TINAG: variants seen among roughly 807,000 people sequenced by gnomAD.
TINAG encodes tubulointerstitial nephritis antigen.
TINAG carries 83 observed loss-of-function variants against 72.7 expected under a neutral mutation model. That is an observed-to-expected ratio of 1.14 (90% CI 0.96 to 1.37). The LOEUF (loss-of-function observed/expected upper bound fraction) is 1.37. Ranked by LOEUF, TINAG falls within the 40% of genes most tolerant of loss-of-function variation. The probability of loss-of-function intolerance (pLI) is 0.00; values close to 1 mark genes in which losing one functional copy is unlikely to be tolerated. For missense variants in TINAG, 685 were observed against 576.6 expected, an observed-to-expected ratio of 1.19 and a Z score of -1.93; for synonymous variants, 234 against 189.9, an observed-to-expected ratio of 1.23 and a Z score of -1.91.
chr6:54,315,533 C>G (rs967340751), intron 1 of TINAG, among the ~76,000 whole-genome samples: 1 of 151,900 alleles, frequency 6.6e-6, no homozygotes, highest in African/African-American at 2.4e-5. Flanking sequence ...TAAAAATTAG[C>G]CAGTCATGGT....
intron 4 of TINAG, among the ~76,000 whole-genome samples, chr6:54,335,622 T>C (rs995483825): frequency 6.6e-6 from 1 of 152,192 alleles, no homozygotes; most frequent in Non-Finnish European, 1.5e-5. Context: ...TGAGTTGAAC[T>C]GGAAGCTTTG....
chr6:54,341,967 T>C (rs1331656731), intron 4 of TINAG, among the ~76,000 whole-genome samples: 1 of 152,194 alleles, frequency 6.6e-6, no homozygotes, highest in African/African-American at 2.4e-5. Context: ...TCCCTGAGTA[T>C]ATCACATAGG....
At chr6:54,314,863 T>A (rs1784336610) in intron 1 of TINAG, among the ~76,000 whole-genome samples, 1 of 152,146 alleles carries the variant, frequency 6.6e-6, no homozygotes, top group African/African-American at 2.4e-5. Context: ...TATGTAGAAT[T>A]TATGTTCCAG....
chr6:54,315,645 C>T (rs1784355320), intron 1 of TINAG, among the ~76,000 whole-genome samples: 4 of 151,620 alleles, frequency 2.6e-5, no homozygotes, highest in South Asian at 2.1e-4. Context: ...CCAATGCACT[C>T]TAGCCTGGAT....
At position 54,348,816 on chromosome 6, in the gene TINAG, T is replaced by C. The variant is rs144474460; in HGVS notation, c.900-900T>C. Among the ~76,000 whole-genome samples the C allele has an allele frequency of 9.6e-3, 1,457 of 152,228 alleles. 19 individuals carry two copies. Among genetic ancestry groups the C allele is most frequent in the Middle Eastern group, 0.034 (10 of 294 alleles). The stretch of plus-strand genomic sequence containing the variant: ...CAAATGTAATGCATTTAATGCAATA[T>C]TTTTTAGGTTGTTTGAGTGTTTTCA... On this transcript the variant is annotated intron_variant, in intron 6 of 10. Coordinates refer to ENST00000259782, the MANE Select transcript of TINAG (RefSeq NM_014464.4).
upstream of TINAG, chr6:54,308,144 T>A: frequency 6.5e-7 from 1 of 1,545,040 alleles, no homozygotes; most frequent in South Asian, 1.2e-5. Flanking sequence ...TTCCTGCACC[T>A]TGCCAGTGGT....
intron 3 of TINAG, among the ~76,000 whole-genome samples, chr6:54,325,193 T>C (rs758820888): frequency 1.2e-4 from 18 of 152,256 alleles, no homozygotes; most frequent in African/African-American, 4.3e-4. Context: ...TTCAGTTGTG[T>C]TTGAAGCTTT....
rs1582761919 is a variant in TINAG, at chr6:54,380,509, ATTG to A, written c.1251-14_1251-12del. On this transcript the variant is annotated splice_polypyrimidine_tract_variant and intron_variant, in intron 9 of 10. Coordinates refer to ENST00000259782, the MANE Select transcript of TINAG (RefSeq NM_014464.4). The stretch of plus-strand genomic sequence containing the variant: ...CATTTTAACCATACCAATCTTTATT[ATTG>A]TTATTAATTGTAGATGGGGCACACT... The A allele has an allele frequency of 1.2e-6, 2 of 1,603,626 alleles. No individual in the cohort carries two copies. The highest frequency in any genetic ancestry group is 4.5e-5 in the East Asian group (2 of 44,386).
At chr6:54,363,959 G>A (rs1303156776) in intron 9 of TINAG, among the ~76,000 whole-genome samples, 1 of 151,516 alleles carries the variant, frequency 6.6e-6, no homozygotes, top group Non-Finnish European at 1.5e-5. Context: ...AATGAGGTTA[G>A]TTGAAAATGT....
At chr6:54,310,779 TTC>T (rs1784232406) in intron 1 of TINAG, among the ~76,000 whole-genome samples, 1 of 149,412 alleles carries the variant, frequency 6.7e-6, no homozygotes, top group Admixed American at 6.7e-5. Flanking sequence ...TTCTCTCCCT[TTC>T]TTTCTCTTTC....
rs1351970584 is a variant in TINAG at position 54,349,750 on chromosome 6, G to C, written c.934G>C (p.Asp312His). 1 of 1,602,388 alleles carries C rather than the reference G, an allele frequency of 6.2e-7. No homozygotes were observed. Among genetic ancestry groups the C allele is most frequent in the East Asian group, 2.3e-5 (1 of 44,386 alleles). Residue 312 changes from aspartate (D) to histidine (H), a missense_variant, in exon 7 of 11, where the codon GAC becomes CAC. By Grantham distance (81) the Asp-to-His change is moderately conservative. Transcript: ENST00000259782. ...VSHACYPLFK[D>H]QNATNNGCAM... ...CCACGCATGCTACCCACTTTTCAAA[G>C]ACCAAAATGCTACCAACAATGGATG...
At position 54,386,526 on chromosome 6, in the gene TINAG, C is replaced by T. The variant is rs80203272; in HGVS notation, c.1297-3265C>T. Among the ~76,000 whole-genome samples, 1,371 of 152,214 alleles carry T rather than the reference C, an allele frequency of 9.0e-3. 29 individuals carry two copies. The highest frequency in any genetic ancestry group is 0.049 in the East Asian group (253 of 5,156). ...GATATTCTCAGATCTTAGAGGATGCCTGAAGTTCCTTCCATGTGGCTCCCT... is the reference window on the plus strand; with the variant it reads ...GATATTCTCAGATCTTAGAGGATGCTTGAAGTTCCTTCCATGTGGCTCCCT... On this transcript the variant is annotated intron_variant, in intron 10 of 10. Coordinates refer to ENST00000259782, the MANE Select transcript of TINAG (RefSeq NM_014464.4).
intron 7 of TINAG, among the ~76,000 whole-genome samples, chr6:54,350,110 T>C (rs2150960018): frequency 6.6e-6 from 1 of 152,190 alleles, no homozygotes; most frequent in Middle Eastern, 3.4e-3. Context: ...TGACTTAAAT[T>C]TTAAAATGTC....
intron 8 of TINAG, among the ~76,000 whole-genome samples, chr6:54,352,126 T>G (rs1785280250): frequency 6.6e-6 from 1 of 151,760 alleles, no homozygotes; most frequent in Non-Finnish European, 1.5e-5. Flanking sequence ...ACAAATCCAA[T>G]GAGGTCTAAA....
At chr6:54,331,263 C>T (rs62412586) in intron 4 of TINAG, among the ~76,000 whole-genome samples, 18,108 of 152,044 alleles carry the variant, frequency 0.12, 1,249 homozygotes, top group African/African-American at 0.18. Context: ...TCCACCATGA[C>T]GAAGTCGGCT....
At chr6:54,366,050 C>T (rs924478268) in intron 9 of TINAG, among the ~76,000 whole-genome samples, 12 of 151,686 alleles carry the variant, frequency 7.9e-5, no homozygotes, top group East Asian at 1.9e-4. Flanking sequence ...TCCATAATCA[C>T]GGTAGTAGAA....
intron 4 of TINAG, among the ~76,000 whole-genome samples, chr6:54,339,212 C>T (rs983206271): frequency 8.5e-5 from 13 of 152,094 alleles, no homozygotes; most frequent in African/African-American, 2.7e-4. Flanking sequence ...TTTAAAATGA[C>T]GGTTGCTTAA....
In TINAG at chr6:54,347,381, C is replaced by T. The variant is rs147972841; in HGVS notation, c.763C>T (p.Arg255Ter). Residue 255 changes from arginine to a stop codon, truncating the protein, a stop_gained, in exon 6 of 11, where the codon CGA becomes TGA. Transcript: ENST00000259782. LOFTEE classifies it high-confidence loss of function. ...AFSTASVAAD[R>*]IAIQSKGRYT... ...ATTTGAAACAGGTGTGGCTGCTGAC[C>T]GAATAGCAATTCAGTCTAAGGGTCG... 1.4e-5 allele frequency: 23 copies of T among 1,611,976 alleles called. No homozygotes were observed. Among genetic ancestry groups the T allele is most frequent in the Admixed American group, 1.2e-4 (7 of 59,760 alleles).
chr6:54,323,607 C>T (rs1339669020), intron 3 of TINAG, among the ~76,000 whole-genome samples: 1 of 152,104 alleles, frequency 6.6e-6, no homozygotes, highest in African/African-American at 2.4e-5. Context: ...TTAATGTAAT[C>T]AGTTGATATT....
Sources: allele counts gnomAD v4.1 joint callset (sites outside exome capture counted in the v4.1 genomes callset), GRCh38; gene constraint gnomAD v4.1.1; transcripts MANE v1.5; gene names NCBI Gene and HGNC (gene_info 2026-07-23, HGNC 2026-07-21).